FASN: variants seen among roughly 807,000 people sequenced by gnomAD.
FASN encodes the protein 3-hydroxyacyl-[acyl-carrier-protein] dehydratase.
A neutral mutation model predicts 250.0 loss-of-function variants in FASN; 50 were observed. The ratio of observed to expected loss-of-function variants is 0.20; its 90% CI spans 0.16 to 0.25. The LOEUF is 0.25. FASN is among the 10% of genes least tolerant of loss of function. FASN has a pLI of 1.00. For missense variants in FASN, 3,031 were observed against 3,498.5 expected, an observed-to-expected ratio of 0.87 and a Z score of 3.37; for synonymous variants, 1,909 against 1,584.0, an observed-to-expected ratio of 1.21 and a Z score of -4.87.
intron 21 of FASN, 89 bp from the exon 22 acceptor site, chr17:82,086,647 G>T: frequency 1.0e-6 from 1 of 977,958 alleles, no homozygotes; most frequent in South Asian, 1.3e-5. Context: ...GTCCTTCTGG[G>T]GCCACCACCC....
In FASN at chr17:82,092,842, C is replaced by T. The variant is rs201901943; in HGVS notation, c.779-30G>A. ...GGAGGGCTCGGCTCAGTGCTGCAGC[C>T]CCAGCCCCGGCTCCCACCTGCCCCC... On this transcript the variant is annotated intron_variant, in intron 6 of 42. Transcript: ENST00000306749. 4.1e-5 allele frequency: 65 copies of T among 1,583,942 alleles called. No individual in the cohort carries two copies. The East Asian group carries it at 4.6e-4, about 11-fold the overall frequency.
At chr17:82,092,414 G>T in intron 8 of FASN, 41 bp downstream of exon 8, 2 of 1,548,332 alleles carry the variant, frequency 1.3e-6, no homozygotes, top group South Asian at 1.2e-5. Flanking sequence ...CAGTCCCAGG[G>T]AGCAGGAGCC....
chr17:82,080,699 G>A lies in FASN; in HGVS notation c.6819C>T (p.Cys2273=), dbSNP rs201683783. 1.3e-4 allele frequency: 211 copies of A among 1,591,012 alleles called. 2 individuals are homozygous for A. The East Asian group carries it at 4.7e-3, about 36-fold the overall frequency. Residue 2273 remains cysteine (C), a synonymous_variant, in exon 39 of 43, where the codon TGC becomes TGT. Coordinates refer to ENST00000306749, the MANE Select transcript of FASN (RefSeq NM_004104.5). ...AGGAGGGCCCGGGAGTACCTCGGGTGCACTGCAGGCCATAGGTGGGGATGC... is the reference window on the plus strand; with the variant it reads ...AGGAGGGCCCGGGAGTACCTCGGGTACACTGCAGGCCATAGGTGGGGATGC... ...RLSIPTYGLQ[C]TRAAPLDSIH...
rs1372244986 is a variant in FASN, at chr17:82,081,623, C to T, written c.6384G>A (p.Val2128=). Residue 2128 remains valine (V), a synonymous_variant, in exon 37 of 43, where the codon GTG becomes GTA. Coordinates refer to ENST00000306749, the MANE Select transcript of FASN (RefSeq NM_004104.5). ...CACCCAGGATGTGTGCCACGGCCTC[C>T]ACCAGGTCCCGCTGGCTGTCCCTGT... is the stretch of plus-strand genomic sequence containing the variant. ...YRDRDSQRDL[V]EAVAHILGIR... 6.2e-7 allele frequency: 1 copy of T among 1,612,708 alleles called. No homozygotes were observed. The highest frequency in any genetic ancestry group is 2.2e-5 in the East Asian group (1 of 44,878).
chr17:82,082,290 G>A (rs1395616413), intron 35 of FASN, 33 bp downstream of exon 35: 2 of 1,609,996 alleles, frequency 1.2e-6, no homozygotes, highest in Admixed American at 3.3e-5. Flanking sequence ...CCAGAGCCCG[G>A]CAGAGGCGGG....
At chr17:82,087,561 C>T in intron 19 of FASN, 57 bp from the exon 20 acceptor site, 1 of 1,605,074 alleles carries the variant, frequency 6.2e-7, no homozygotes. Flanking sequence ...GGCCACCTCC[C>T]AGAGCCCACC....
At position 82,084,726 on chromosome 17, in the gene FASN, CAG is replaced by C. The variant is rs1228683018; in HGVS notation, c.4565-12_4565-11del. On this transcript the variant is annotated splice_polypyrimidine_tract_variant and intron_variant, in intron 26 of 42. Transcript: ENST00000306749. ...GGCTCCTCAGGCTTGTCTAGGGAAA[CAG>C]GGAGGTGGGGCTGCTGCGGGGCCTT... The C allele has an allele frequency of 6.4e-7, 1 of 1,555,778 alleles. No individual in the cohort carries two copies. Among genetic ancestry groups the C allele is most frequent in the Non-Finnish European group, 8.7e-7 (1 of 1,149,884 alleles).
At chr17:82,090,666 G>C in intron 10 of FASN, 102 bp from the exon 11 acceptor site, 2 of 1,178,324 alleles carry the variant, frequency 1.7e-6, no homozygotes, top group Middle Eastern at 4.7e-4. Flanking sequence ...GCGCCCCATC[G>C]ACCCTCCCAG....
rs907307346 is a variant in FASN at position 82,088,753 on chromosome 17, G to A, written c.2420+8C>T. The A allele has an allele frequency of 1.9e-6, 3 of 1,608,812 alleles. No homozygotes were observed. The highest frequency in any genetic ancestry group is 2.5e-6 in the Non-Finnish European group (3 of 1,177,188). On this transcript the variant is annotated splice_region_variant and intron_variant, in intron 15 of 42. Coordinates refer to ENST00000306749, the MANE Select transcript of FASN (RefSeq NM_004104.5). ...GGGAGACGAGACCCGGGCTGGGAAG[G>A]GACCCACCCTGAGAGGTGCAGCCTG...
chr17:82,087,051 C>T lies in FASN; in HGVS notation c.3426G>A (p.Lys1142=), dbSNP rs761637918. Residue 1142 remains lysine, a splice_region_variant and synonymous_variant, in exon 21 of 43, where the codon AAG becomes AAA. Coordinates refer to ENST00000306749, the MANE Select transcript of FASN (RefSeq NM_004104.5). ...AALQEELQLC[K]GLVQALQTKV... ...AAGCCAGCAGGGCTGGGACCTCACC[C>T]TTGCACAGTTGCAGCTCCTCCTGCA... 3.7e-6 allele frequency: 6 copies of T among 1,610,944 alleles called. No homozygotes were observed. The African/African-American group carries it at 8.0e-5, about 22-fold the overall frequency.
Position 82,084,591 on chromosome 17 carries a change from A to G in FASN, c.4690T>C (p.Cys1564Arg). ...AQPTCPGAQL[C>R]TVYYASLNFR... ...TTGAGGGAGGCGTAGTAGACCGTGC[A>G]GAGCTGGGCGCCAGGGCAGGTGGGC... The change falls in exon 27 of 43, where the codon TGC becomes CGC. Residue 1564 changes from cysteine (C) to arginine (R), a missense_variant. Transcript: ENST00000306749. The G allele has an allele frequency of 6.2e-7, 1 of 1,610,662 alleles. No homozygotes were observed. The highest frequency in any genetic ancestry group is 8.5e-7 in the Non-Finnish European group (1 of 1,179,154).
chr17:82,081,907 AGAGGG>A, intron 36 of FASN, 64 bp from the exon 37 acceptor site: 1 of 128,610 alleles, frequency 7.8e-6, no homozygotes. Flanking sequence ...GGCCACTGGG[AGAGGG>A]TGGGGTGGGC....
rs961663402 is a variant in FASN, at chr17:82,083,302, A to T, written c.5465T>A (p.Val1822Glu). 1 of 1,610,506 alleles carries T rather than the reference A, an allele frequency of 6.2e-7. No homozygotes were observed. ...CACCGTGCACTTGAGGGGCCGTACC[A>T]CCCCATCCCGGATGCCGGCCTGCAC... ...ALVQAGIRDG[V>E]VRPLKCTVFH... Residue 1822 changes from valine to glutamate, a missense_variant, in exon 32 of 43, where the codon GTG (valine) becomes GAG (glutamate). Coordinates refer to ENST00000306749, the MANE Select transcript of FASN (RefSeq NM_004104.5).
rs368767428 is a variant in FASN, at chr17:82,090,228, G to A, written c.1870+147C>T. 2.8e-4 allele frequency: 210 copies of A among 762,314 alleles called. No individual in the cohort carries two copies. In the African/African-American group the frequency reaches 2.9e-3, roughly 11 times the overall value. The allele number at this position is 762,314 out of a possible 1,614,324, so 47.2% of individuals were successfully genotyped here. A position where few individuals can be genotyped will look rare whatever the true frequency, so the allele number is the denominator to read the frequency against. ...AGTGGGGCAGCTGCAGGGGACTCGC[G>A]CACGGCTGTGTCCGAGCTGGGTGTC... On this transcript the variant is annotated intron_variant, in intron 11 of 42. Transcript: ENST00000306749.
chr17:82,081,270 G>T lies in FASN; in HGVS notation c.6489C>A (p.Arg2163=). 1 of 1,569,352 alleles carries T rather than the reference G, an allele frequency of 6.4e-7. No homozygotes were observed. The highest frequency in any genetic ancestry group is 1.3e-5 in the African/African-American group (1 of 74,302). The change falls in exon 38 of 43, where the codon CGC becomes CGA. Residue 2163 remains arginine (R), a synonymous_variant. Transcript: ENST00000306749. The stretch of plus-strand genomic sequence containing the variant: ...GGTTGAGCTCACGCTCCAGCGTCTG[G>T]CGCACCTCCACGCTCATGAGCGAGT... ...GLDSLMSVEV[R]QTLERELNLV...
In FASN at chr17:82,087,224, T is replaced by G. The variant is rs373331221; in HGVS notation, c.3253A>C (p.Arg1085=). The part of the protein sequence containing the change: ...VADVVVSRWL[R]VTVAGGVHIS... ...TGGACGCCTCCGGCCACTGTGACCC[T>G]CAGCCACCTGCTCACCACCACGTCA... The change falls in exon 21 of 43, where the codon AGG becomes CGG. Residue 1085 remains arginine, a synonymous_variant. Coordinates refer to ENST00000306749, the MANE Select transcript of FASN (RefSeq NM_004104.5). The G allele has an allele frequency of 1.9e-6, 3 of 1,607,840 alleles. No homozygotes were observed. The highest frequency in any genetic ancestry group is 2.2e-5 in the South Asian group (2 of 90,336).
Position 82,091,387 on chromosome 17 carries a change from G to A in FASN, c.1327C>T (p.Arg443Trp), listed in dbSNP as rs761357571. 3.5e-5 allele frequency: 56 copies of A among 1,610,634 alleles called. No homozygotes were observed. The highest frequency in any genetic ancestry group is 6.7e-5 in the Admixed American group (4 of 59,826). Residue 443 changes from arginine to tryptophan, a missense_variant, in exon 9 of 43, where the codon CGG becomes TGG. Physicochemically the swap from Arg to Trp is moderately radical, Grantham distance 101. Coordinates refer to ENST00000306749, the MANE Select transcript of FASN (RefSeq NM_004104.5). Reference sequence around the variant, plus strand: ...AGGAAAGCCAGGTCCTGGCTGTGCCGGAGGCCCTGCTCCAGCAGCTTCTGC... The same window carrying A: ...AGGAAAGCCAGGTCCTGGCTGTGCCAGAGGCCCTGCTCCAGCAGCTTCTGC... ...AVQKLLEQGL[R>W]HSQDLAFLSM...
Position 82,083,508 on chromosome 17 carries a change from C to T in FASN, c.5341+9G>A, listed in dbSNP as rs367752637. 42 of 1,612,680 alleles carry T rather than the reference C, an allele frequency of 2.6e-5. No individual in the cohort carries two copies. Among genetic ancestry groups the T allele is most frequent in the South Asian group, 2.5e-4 (23 of 91,078 alleles). ...ATGCCCACCCCCGCCCAGGCGCTGC[C>T]GGCCTCACCGAGCGGGTGGTTCTGA... On this transcript the variant is annotated intron_variant, in intron 31 of 42. Coordinates refer to ENST00000306749, the MANE Select transcript of FASN (RefSeq NM_004104.5).
Position 82,090,472 on chromosome 17 carries a change from G to A in FASN, c.1773C>T (p.Asp591=), listed in dbSNP as rs764875993. ...SLGEVACGYA[D]GCLSQEEAVL... is the part of the protein sequence containing the mutation. ...CGGCCTCCTCCTGGGACAGGCAGCC[G>A]TCGGCGTAGCCACAGGCCACCTCCC... The change falls in exon 11 of 43, where the codon GAC becomes GAT. Residue 591 remains aspartate (D), a synonymous_variant. Transcript: ENST00000306749. 2.0e-5 allele frequency: 32 copies of A among 1,608,202 alleles called. No individual in the cohort carries two copies. Among genetic ancestry groups the A allele is most frequent in the Admixed American group, 3.4e-5 (2 of 59,632 alleles).
Sources: gnomAD v4.1 joint callset for allele counts on GRCh38, gnomAD v4.1.1 for gene constraint, MANE v1.5 for transcripts, NCBI Gene and HGNC (gene_info 2026-07-23, HGNC 2026-07-21) for gene names.